ZMAT4: variants seen among roughly 807,000 people sequenced by gnomAD.
ZMAT4 encodes zinc finger matrin-type 4, also known as zinc finger matrin-type protein 4.
In ZMAT4, 17 loss-of-function variants were observed where a neutral mutation model predicts 28.7. That is an observed-to-expected ratio of 0.59 (90% CI 0.41 to 0.89). ZMAT4 has a LOEUF of 0.89. Among genes scored for constraint, ZMAT4 ranks in the 40% least tolerant of loss-of-function variants. The probability of loss-of-function intolerance (pLI) is 0.00; values close to 1 mark genes in which losing one functional copy is unlikely to be tolerated. For missense variants in ZMAT4, 240 were observed against 283.8 expected (o/e 0.85, Z 1.11); for synonymous variants, 117 against 109.2 (o/e 1.07, Z -0.44).
chr8:40,792,033 A>G (rs1010738928), intron 2 of ZMAT4, among the ~76,000 whole-genome samples: 7 of 152,124 alleles, frequency 4.6e-5, no homozygotes, highest in African/African-American at 7.2e-5. Context: ...AAAGACTAAA[A>G]CTAGCTATGG....
chr8:40,575,443 A>G (rs1225331873), intron 6 of ZMAT4, among the ~76,000 whole-genome samples: 1 of 152,074 alleles, frequency 6.6e-6, no homozygotes. Flanking sequence ...GTGTATGGCC[A>G]TGTCCCCAGA....
chr8:40,813,285 G>A (rs1563501726), intron 2 of ZMAT4, among the ~76,000 whole-genome samples: 1 of 152,010 alleles, frequency 6.6e-6, no homozygotes, highest in African/African-American at 2.4e-5. Flanking sequence ...CATAGGGAGG[G>A]GATGGGTATG....
At chr8:40,648,615 A>G (rs1807472126) in intron 5 of ZMAT4, among the ~76,000 whole-genome samples, 1 of 73,238 alleles carries the variant, frequency 1.4e-5, no homozygotes, top group East Asian at 4.4e-4. Flanking sequence ...TCCAAGACAC[A>G]TAATTGTCAG....
At chr8:40,881,576 A>T (rs1586216852) in intron 1 of ZMAT4, among the ~76,000 whole-genome samples, 1 of 107,174 alleles carries the variant, frequency 9.3e-6, no homozygotes, top group Admixed American at 9.5e-5. Flanking sequence ...GAAAGAAAGA[A>T]AGAAAGAAAG....
intron 1 of ZMAT4, among the ~76,000 whole-genome samples, chr8:40,864,104 G>A (rs1817595312): frequency 1.3e-5 from 2 of 152,204 alleles, no homozygotes; most frequent in African/African-American, 4.8e-5. Context: ...ATTAATGAAT[G>A]CACCTGACCT....
chr8:40,677,389 T>C (rs1445156595), intron 4 of ZMAT4, among the ~76,000 whole-genome samples: 1 of 152,070 alleles, frequency 6.6e-6, no homozygotes, highest in East Asian at 1.9e-4. Context: ...GCAAAGGCAG[T>C]AGCATAAAAA....
At chr8:40,661,122 A>G (rs1470281140) in intron 5 of ZMAT4, among the ~76,000 whole-genome samples, 10 of 152,132 alleles carry the variant, frequency 6.6e-5, no homozygotes, top group Admixed American at 6.5e-4. Context: ...TTTTTTTGAT[A>G]CAGAGTCTTG....
chr8:40,631,173 G>T (rs143460666), intron 5 of ZMAT4, among the ~76,000 whole-genome samples: 2,852 of 127,134 alleles, frequency 0.022, 38 homozygotes, highest in Non-Finnish European at 0.036. Context: ...TTATTTTTTT[G>T]TTTGTTTGTT....
chr8:40,670,276 AATTTG>A (rs1352339969), intron 5 of ZMAT4, among the ~76,000 whole-genome samples: 1 of 152,220 alleles, frequency 6.6e-6, no homozygotes, highest in East Asian at 1.9e-4. Context: ...CATTCACAGC[AATTTG>A]ATGAGGAAAA....
intron 5 of ZMAT4, among the ~76,000 whole-genome samples, chr8:40,651,526 C>T (rs889339366): frequency 4.0e-5 from 6 of 149,228 alleles, no homozygotes; most frequent in African/African-American, 5.0e-5. Flanking sequence ...AGATTCAATG[C>T]CATCCCCATC....
rs181346280 is a variant in ZMAT4 at position 40,798,254 on chromosome 8, C to T, written c.102+27321G>A. 5.3e-5 allele frequency among the ~76,000 whole-genome samples: 8 copies of T among 152,300 alleles called. No individual in the cohort carries two copies. In the East Asian group the frequency reaches 1.5e-3, roughly 29 times the overall value. On this transcript the variant is annotated intron_variant, in intron 2 of 6. Coordinates refer to ENST00000297737, the MANE Select transcript of ZMAT4 (RefSeq NM_024645.3). The stretch of plus-strand genomic sequence containing the variant: ...TCCTGATCTGCAAGTTAATGATCTG[C>T]ACACATCTCGGAAAGAACTTTCTGA...
intron 4 of ZMAT4, among the ~76,000 whole-genome samples, chr8:40,688,980 A>G (rs1809542477): frequency 6.6e-6 from 1 of 152,196 alleles, no homozygotes; most frequent in Admixed American, 6.5e-5. Context: ...CCTGGTGTCA[A>G]GAAAGTAATT....
intron 1 of ZMAT4, among the ~76,000 whole-genome samples, chr8:40,853,831 C>G (rs1384930343): frequency 1.3e-5 from 2 of 152,146 alleles, no homozygotes; most frequent in East Asian, 3.8e-4. Context: ...CCGAGAGAAC[C>G]TGTGAAAGTG....
At chr8:40,822,014 T>C (rs779517281) in intron 2 of ZMAT4, among the ~76,000 whole-genome samples, 6 of 152,218 alleles carry the variant, frequency 3.9e-5, no homozygotes, top group Non-Finnish European at 8.8e-5. Flanking sequence ...GCTTCCCTCT[T>C]TTAAAGTGTA....
intron 5 of ZMAT4, among the ~76,000 whole-genome samples, chr8:40,616,964 T>A (rs565591922): frequency 3.2e-4 from 49 of 151,094 alleles, no homozygotes; most frequent in African/African-American, 1.2e-3. Context: ...ATAGCCAGAG[T>A]GAAGAAGGAC....
chr8:40,669,883 A>G (rs922261549), intron 5 of ZMAT4, among the ~76,000 whole-genome samples: 2 of 152,336 alleles, frequency 1.3e-5, no homozygotes, highest in South Asian at 2.1e-4. Flanking sequence ...GAAAACTACA[A>G]AACATTGCCT....
chr8:40,533,695 T>G (rs1802763108), intron 6 of ZMAT4, among the ~76,000 whole-genome samples: 1 of 152,234 alleles, frequency 6.6e-6, no homozygotes, highest in Non-Finnish European at 1.5e-5. Flanking sequence ...CTAAAAAAAT[T>G]GAGACTATAT....
At chr8:40,542,864 C>T (rs1017592583) in intron 6 of ZMAT4, among the ~76,000 whole-genome samples, 3 of 152,182 alleles carry the variant, frequency 2.0e-5, no homozygotes, top group Non-Finnish European at 2.9e-5. Context: ...CTCCACAAGC[C>T]TCAATTTCTT....
chr8:40,625,493 T>G (rs552949885), intron 5 of ZMAT4, among the ~76,000 whole-genome samples: 1 of 151,868 alleles, frequency 6.6e-6, no homozygotes, highest in African/African-American at 2.4e-5. Flanking sequence ...TGGTGAAAAA[T>G]GGCCAAATTG....
Sources: allele counts gnomAD v4.1 joint callset (sites outside exome capture counted in the v4.1 genomes callset), GRCh38; gene constraint gnomAD v4.1.1; transcripts MANE v1.5; gene names NCBI Gene and HGNC (gene_info 2026-07-23, HGNC 2026-07-21).